The following CCSER2 variants were observed in gnomAD, a reference collection of about 807,000 sequenced individuals.
CCSER2 encodes coiled-coil serine rich protein 2.
In CCSER2, 46 loss-of-function variants were observed where a neutral mutation model predicts 92.3. The ratio of observed to expected loss-of-function variants is 0.50; its 90% CI spans 0.39 to 0.64. CCSER2 has a LOEUF of 0.64. CCSER2 is among the 30% of genes least tolerant of loss of function. The probability of loss-of-function intolerance (pLI) is 0.00; values close to 1 mark genes in which losing one functional copy is unlikely to be tolerated. For synonymous variants in CCSER2, 433 were observed against 431.4 expected (o/e 1.00, Z -0.04); for missense variants, 1,244 against 1,238.9 (o/e 1.00, Z -0.06).
chr10:84,395,903 A>G (rs1464901922), intron 3 of CCSER2, among the ~76,000 whole-genome samples: 2 of 152,112 alleles, frequency 1.3e-5, no homozygotes, highest in African/African-American at 2.4e-5. Flanking sequence ...AGAAACCAAG[A>G]TCTGGGGCCT....
At chr10:84,352,496 C>T (rs1032825647) in intron 1 of CCSER2, among the ~76,000 whole-genome samples, 12 of 148,186 alleles carry the variant, frequency 8.1e-5, no homozygotes, top group South Asian at 6.4e-4. Context: ...GGAAGAATGA[C>T]GGGGGTGGGG....
intron 9 of CCSER2, among the ~76,000 whole-genome samples, chr10:84,478,241 T>C (rs1334775245): frequency 3.3e-5 from 5 of 152,202 alleles, no homozygotes; most frequent in Non-Finnish European, 7.3e-5. Flanking sequence ...TCTCAAAACA[T>C]GTTTAGTGCT....
chr10:84,391,517 A>G, intron 3 of CCSER2: 1 of 1,511,002 alleles, frequency 6.6e-7, no homozygotes, highest in Non-Finnish European at 9.2e-7. Context: ...AATACTGGGA[A>G]TCAACCCAAA....
At chr10:84,500,661 A>G (rs754096422) in intron 9 of CCSER2, among the ~76,000 whole-genome samples, 1 of 152,218 alleles carries the variant, frequency 6.6e-6, no homozygotes, top group Admixed American at 6.5e-5. Flanking sequence ...GTACTTAAGT[A>G]TGCCTGGTAA....
intron 1 of CCSER2, among the ~76,000 whole-genome samples, chr10:84,344,907 A>T (rs1429531104): frequency 6.6e-6 from 1 of 152,202 alleles, no homozygotes; most frequent in Non-Finnish European, 1.5e-5. Flanking sequence ...CAATTTCCTT[A>T]AATGTGCAAA....
At chr10:84,472,390 G>A (rs1846865330) in intron 8 of CCSER2, among the ~76,000 whole-genome samples, 1 of 152,108 alleles carries the variant, frequency 6.6e-6, no homozygotes, top group African/African-American at 2.4e-5. Context: ...CCAACATGGT[G>A]AAACCCTGTC....
intron 8 of CCSER2, among the ~76,000 whole-genome samples, chr10:84,475,229 G>T (rs1469534170): frequency 1.3e-5 from 2 of 152,160 alleles, no homozygotes; most frequent in Non-Finnish European, 2.9e-5. Flanking sequence ...GACTAATTAA[G>T]TTCTAGCTCC....
chr10:84,499,372 G>T (rs1261621240), intron 9 of CCSER2, among the ~76,000 whole-genome samples: 1 of 152,090 alleles, frequency 6.6e-6, no homozygotes, highest in Admixed American at 6.6e-5. Flanking sequence ...CTGACCTCGT[G>T]ATCCACCCGC....
At chr10:84,510,222 A>G (rs1763977) in intron 9 of CCSER2, among the ~76,000 whole-genome samples, 11,790 of 152,204 alleles carry the variant, frequency 0.077, 515 homozygotes, top group Middle Eastern at 0.12. Flanking sequence ...TGTGTTTGGC[A>G]TGTACTAGCT....
intron 1 of CCSER2, among the ~76,000 whole-genome samples, chr10:84,350,760 A>G (rs768924525): frequency 1.2e-4 from 18 of 152,190 alleles, no homozygotes; most frequent in Non-Finnish European, 2.5e-4. Flanking sequence ...CCCGTTTGTC[A>G]CAACTTAAAC....
intron 5 of CCSER2, among the ~76,000 whole-genome samples, chr10:84,428,947 C>G (rs899144451): frequency 7.2e-6 from 1 of 138,764 alleles, no homozygotes; most frequent in African/African-American, 2.7e-5. Context: ...ATTCAGTTTG[C>G]TAGTATTTTG....
chr10:84,445,442 C>T (rs570499817), intron 6 of CCSER2, among the ~76,000 whole-genome samples: 124 of 152,306 alleles, frequency 8.1e-4, no homozygotes, highest in African/African-American at 2.6e-3. Context: ...CGTGAGCCAC[C>T]GCACCTGGCC....
chr10:84,486,682 C>A (rs1219124383), intron 9 of CCSER2, among the ~76,000 whole-genome samples: 9 of 152,126 alleles, frequency 5.9e-5, no homozygotes, highest in East Asian at 5.8e-4. Context: ...ATTTTCTCCC[C>A]TTCTGTAGGT....
intron 3 of CCSER2, among the ~76,000 whole-genome samples, chr10:84,377,812 A>T (rs117614645): frequency 0.061 from 9,332 of 152,242 alleles, 413 homozygotes; most frequent in Non-Finnish European, 0.091. Context: ...TTTTCTATAA[A>T]ATGTTATGCA....
At chr10:84,413,423 A>G (rs1458950919) in intron 3 of CCSER2, among the ~76,000 whole-genome samples, 2 of 152,022 alleles carry the variant, frequency 1.3e-5, no homozygotes, top group Non-Finnish European at 2.9e-5. Flanking sequence ...CATTCAGGAG[A>G]TGGTTGTTCA....
intron 9 of CCSER2, among the ~76,000 whole-genome samples, chr10:84,497,074 T>C (rs1848494982): frequency 6.6e-6 from 1 of 152,200 alleles, no homozygotes; most frequent in East Asian, 1.9e-4. Context: ...AGAGAGCTAT[T>C]ATTTTCAGGG....
At chr10:84,474,848 C>T (rs1189625322) in intron 8 of CCSER2, among the ~76,000 whole-genome samples, 2 of 152,022 alleles carry the variant, frequency 1.3e-5, no homozygotes, top group African/African-American at 2.4e-5. Context: ...TTTTAAGTTC[C>T]GAGTAAAAGT....
chr10:84,448,863 C>T (rs11591415), intron 6 of CCSER2, among the ~76,000 whole-genome samples: 5,896 of 152,192 alleles, frequency 0.039, 149 homozygotes, highest in Middle Eastern at 0.058. Flanking sequence ...TTTTTTTACT[C>T]GCCTTAATGG....
intron 3 of CCSER2, among the ~76,000 whole-genome samples, chr10:84,398,762 A>T: frequency 6.6e-6 from 1 of 152,188 alleles, no homozygotes; most frequent in Admixed American, 6.5e-5. Context: ...CACAGGGAAT[A>T]CAATGATGAA....
Sources: gnomAD v4.1 joint callset for allele counts (sites outside exome capture counted in the v4.1 genomes callset) on GRCh38, gnomAD v4.1.1 for gene constraint, MANE v1.5 for transcripts, NCBI Gene and HGNC (gene_info 2026-07-23, HGNC 2026-07-21) for gene names.